Variants in RRAGB observed in about 807,000 individuals in gnomAD.
RRAGB encodes ras-related GTP-binding protein B.
In RRAGB, 6 loss-of-function variants were observed where a neutral mutation model predicts 29.3. The ratio of observed to expected loss-of-function variants is 0.21; its 90% CI spans 0.11 to 0.40. RRAGB has a LOEUF of 0.40. RRAGB is among the 10% of genes least tolerant of loss of function. The probability of loss-of-function intolerance (pLI) is 1.00; values close to 1 mark genes in which losing one functional copy is unlikely to be tolerated. For missense variants in RRAGB, 184 were observed against 272.9 expected, an observed-to-expected ratio of 0.67 and a Z score of 2.29; for synonymous variants, 101 against 92.5, an observed-to-expected ratio of 1.09 and a Z score of -0.53.
intron 5 of RRAGB, among the ~76,000 whole-genome samples, chrX:55,749,157 CG>C (rs1429598185): frequency 1.0e-5 from 1 of 97,376 alleles, no homozygotes; most frequent in Non-Finnish European, 2.1e-5. Context: ...TCCCTCTGCC[CG>C]GCCAGCCGCC....
intron 5 of RRAGB, among the ~76,000 whole-genome samples, chrX:55,743,466 G>A (rs759469782): frequency 1.8e-5 from 2 of 112,065 alleles, no homozygotes; most frequent in East Asian, 2.8e-4. Flanking sequence ...GATCAGCCTC[G>A]GTGAGTGGAA....
intron 5 of RRAGB, among the ~76,000 whole-genome samples, chrX:55,733,667 T>G (rs1602031572): frequency 8.9e-6 from 1 of 112,634 alleles, no homozygotes; most frequent in East Asian, 2.8e-4. Flanking sequence ...TTGATCTTGG[T>G]GAATGATCTC....
chrX:55,733,411 C>T lies in RRAGB; in HGVS notation c.516+1825C>T, dbSNP rs1224257791. Among the ~76,000 whole-genome samples, 6 of 111,956 alleles carry T rather than the reference C, an allele frequency of 5.4e-5. No individual in the cohort carries two copies. The East Asian group carries it at 1.7e-3, about 31-fold the overall frequency. ...TAGGGGAATGCTTTAAACTTATCTC[C>T]ATTCATTTTGATGTTGGCTGTGGGT... On this transcript the variant is annotated intron_variant, in intron 5 of 9. Coordinates refer to ENST00000374941, the MANE Select transcript of RRAGB (RefSeq NM_006064.5).
chrX:55,748,977 C>G (rs754847413), intron 5 of RRAGB, among the ~76,000 whole-genome samples: 3 of 94,260 alleles, frequency 3.2e-5, no homozygotes, highest in East Asian at 7.4e-4. Context: ...TCAGCCCCCC[C>G]GCCCGGCCGG....
intron 5 of RRAGB, among the ~76,000 whole-genome samples, chrX:55,734,294 T>A (rs2033796822): frequency 9.2e-6 from 1 of 108,328 alleles, no homozygotes; most frequent in African/African-American, 3.4e-5. Flanking sequence ...ACTGATTACG[T>A]CTCACTAATT....
At chrX:55,722,382 T>TG in intron 3 of RRAGB, 97 bp downstream of exon 3, 2 of 539,502 alleles carry the variant, frequency 3.7e-6, no homozygotes, top group Non-Finnish European at 6.1e-6. Context: ...GCAGAGAGGT[T>TG]GGGGAATTTG....
At chrX:55,736,165 A>G (rs137943494) in intron 5 of RRAGB, among the ~76,000 whole-genome samples, 6 of 112,145 alleles carry the variant, frequency 5.4e-5, no homozygotes, top group East Asian at 2.8e-4. Flanking sequence ...AGACCAGGAA[A>G]GTTTTCCTCA....
Position 55,746,288 on chromosome X carries a change from T to C in RRAGB, c.517-4813T>C, listed in dbSNP as rs184108687. ...AAGTAAAAAATTAGTAGACTTCCCA[T>C]CCATTTCACTTCTAGGAACATCATG... On this transcript the variant is annotated intron_variant, in intron 5 of 9. Transcript: ENST00000374941. Among the ~76,000 whole-genome samples, 9 of 112,046 alleles carry C rather than the reference T, an allele frequency of 8.0e-5. No homozygotes were observed. In the East Asian group the frequency reaches 2.5e-3, roughly 31 times the overall value.
intron 2 of RRAGB, among the ~76,000 whole-genome samples, chrX:55,721,118 C>G (rs1208836101): frequency 9.0e-6 from 1 of 111,184 alleles, no homozygotes; most frequent in Non-Finnish European, 1.9e-5. Context: ...CAGATACTCT[C>G]TTGCTTTCTA....
intron 5 of RRAGB, among the ~76,000 whole-genome samples, chrX:55,735,188 A>G (rs891987090): frequency 1.8e-5 from 2 of 111,987 alleles, no homozygotes; most frequent in Non-Finnish European, 3.8e-5. Flanking sequence ...TTCCGCCACA[A>G]TGATCTATCC....
At chrX:55,738,741 A>AT (rs2033951087) in intron 5 of RRAGB, among the ~76,000 whole-genome samples, 1 of 111,980 alleles carries the variant, frequency 8.9e-6, no homozygotes, top group Admixed American at 9.4e-5. Context: ...GATGGTGGCC[A>AT]TGGGATTTGT....
At chrX:55,747,674 T>C (rs1343138798) in intron 5 of RRAGB, among the ~76,000 whole-genome samples, 4 of 111,961 alleles carry the variant, frequency 3.6e-5, no homozygotes, top group African/African-American at 1.3e-4. Context: ...TTTGTGTATC[T>C]CTGCTGCCAC....
Position 55,756,381 on chromosome X carries a change from A to G in RRAGB, c.827+449A>G, listed in dbSNP as rs145580369. Among the ~76,000 whole-genome samples the G allele has an allele frequency of 8.5e-3, 953 of 112,244 alleles. 10 individuals carry two copies. The highest frequency in any genetic ancestry group is 0.029 in the African/African-American group (909 of 30,913). On this transcript the variant is annotated intron_variant, in intron 8 of 9. Transcript: ENST00000374941. ...AATGTTTAATCACATTGTGTCAGCT[A>G]TTGTTAAATAAAGTTTGAATCATAG...
chrX:55,748,137 C>G (rs748187477), intron 5 of RRAGB, among the ~76,000 whole-genome samples: 84 of 112,803 alleles, frequency 7.4e-4, no homozygotes, highest in African/African-American at 2.7e-3. Context: ...CCGGAGGTGC[C>G]GGGATTGCAG....
intron 5 of RRAGB, among the ~76,000 whole-genome samples, chrX:55,743,780 A>G (rs1196920603): frequency 2.7e-5 from 3 of 112,268 alleles, no homozygotes; most frequent in Non-Finnish European, 3.8e-5. Flanking sequence ...ACCAGTGGCC[A>G]TAGCTCATGA....
At chrX:55,736,778 A>G (rs913252036) in intron 5 of RRAGB, among the ~76,000 whole-genome samples, 2 of 112,109 alleles carry the variant, frequency 1.8e-5, no homozygotes, top group Non-Finnish European at 3.8e-5. Flanking sequence ...ATCTTTGTGC[A>G]GTGGCTTTCT....
intron 5 of RRAGB, among the ~76,000 whole-genome samples, chrX:55,743,083 G>C (rs1197895845): frequency 8.9e-6 from 1 of 111,940 alleles, no homozygotes; most frequent in African/African-American, 3.2e-5. Flanking sequence ...TGTCAAGCCA[G>C]CTGCTTTAGG....
At chrX:55,734,400 A>G (rs952012333) in intron 5 of RRAGB, among the ~76,000 whole-genome samples, 2 of 108,910 alleles carry the variant, frequency 1.8e-5, no homozygotes, top group African/African-American at 6.7e-5. Context: ...TAGATTTTGT[A>G]CTTTGAGTGC....
At chrX:55,747,871 C>T (rs986272776) in intron 5 of RRAGB, among the ~76,000 whole-genome samples, 28 of 104,044 alleles carry the variant, frequency 2.7e-4, no homozygotes, top group Non-Finnish European at 5.0e-4. Context: ...TCCCTCTTTC[C>T]ACGGTCTCCC....
Sources: gnomAD v4.1 joint callset for allele counts (sites outside exome capture counted in the v4.1 genomes callset) on GRCh38, gnomAD v4.1.1 for gene constraint, MANE v1.5 for transcripts, NCBI Gene and HGNC (gene_info 2026-07-23, HGNC 2026-07-21) for gene names.